The following PTPRO variants were observed in gnomAD, a reference collection of about 807,000 sequenced individuals.
The protein encoded by PTPRO is protein tyrosine phosphatase receptor type O.
PTPRO carries 62 observed loss-of-function variants against 145.2 expected under a neutral mutation model. That is an observed-to-expected ratio of 0.43 (90% CI 0.35 to 0.53). The LOEUF is 0.53. Among genes scored for constraint, PTPRO ranks in the 20% least tolerant of loss-of-function variants. The pLI, the probability that PTPRO is intolerant of heterozygous loss-of-function variation, is 0.01. For missense variants in PTPRO, 1,345 were observed against 1,482.7 expected, an observed-to-expected ratio of 0.91 and a Z score of 1.53; for synonymous variants, 565 against 514.7, an observed-to-expected ratio of 1.10 and a Z score of -1.32.
intron 1 of PTPRO, among the ~76,000 whole-genome samples, chr12:15,444,938 C>T (rs1940863802): frequency 6.6e-6 from 1 of 151,962 alleles, no homozygotes; most frequent in Admixed American, 6.6e-5. Flanking sequence ...ATAGTAATGA[C>T]TAAAAAAATT....
At chr12:15,457,214 G>A (rs947636157) in intron 1 of PTPRO, among the ~76,000 whole-genome samples, 9 of 152,136 alleles carry the variant, frequency 5.9e-5, no homozygotes, top group Non-Finnish European at 1.0e-4. Context: ...CTGCACTGTC[G>A]GCTTCCCTGC....
chr12:15,572,944 C>T (rs1368822978), intron 19 of PTPRO, among the ~76,000 whole-genome samples: 1 of 152,078 alleles, frequency 6.6e-6, no homozygotes, highest in African/African-American at 2.4e-5. Flanking sequence ...TGGGACATTC[C>T]CGCACAATAG....
chr12:15,509,105 G>T (rs559574064), intron 7 of PTPRO, among the ~76,000 whole-genome samples: 13 of 152,324 alleles, frequency 8.5e-5, no homozygotes, highest in African/African-American at 3.1e-4. Context: ...GAGAACAATA[G>T]ATAAGTGAAC....
At chr12:15,490,881 A>G (rs1215134312) in intron 2 of PTPRO, among the ~76,000 whole-genome samples, 1 of 152,196 alleles carries the variant, frequency 6.6e-6, no homozygotes, top group Non-Finnish European at 1.5e-5. Context: ...AATATCAAGT[A>G]CCGTACAGAC....
intron 1 of PTPRO, among the ~76,000 whole-genome samples, chr12:15,472,069 C>T (rs1481887776): frequency 1.3e-5 from 2 of 152,190 alleles, no homozygotes; most frequent in East Asian, 3.8e-4. Context: ...ATTAATATTA[C>T]TATTTAAAAG....
intron 1 of PTPRO, among the ~76,000 whole-genome samples, chr12:15,433,511 A>G (rs1940510407): frequency 6.6e-6 from 1 of 152,156 alleles, no homozygotes; most frequent in Non-Finnish European, 1.5e-5. Flanking sequence ...TAAGTCTTTA[A>G]TCCATCTTGA....
intron 5 of PTPRO, among the ~76,000 whole-genome samples, chr12:15,502,560 C>T (rs942494978): frequency 6.6e-6 from 1 of 152,132 alleles, no homozygotes; most frequent in African/African-American, 2.4e-5. Flanking sequence ...GTGCGCCCCT[C>T]TAGAAAAAGC....
At chr12:15,411,048 G>T (rs1425353363) in intron 1 of PTPRO, among the ~76,000 whole-genome samples, 1 of 152,124 alleles carries the variant, frequency 6.6e-6, no homozygotes, top group African/African-American at 2.4e-5. Flanking sequence ...GTATGAAGTT[G>T]ATTATTATGA....
chr12:15,456,739 T>G lies in PTPRO; in HGVS notation c.76-27235T>G, dbSNP rs201013457. ...CAGCCATGTCTTCTAGGTTATCCAA[T>G]GTACTGGTATATAATTGTTCATAGT... On this transcript the variant is annotated intron_variant, in intron 1 of 26. Coordinates refer to ENST00000281171, the MANE Select transcript of PTPRO (RefSeq NM_030667.3). Among the ~76,000 whole-genome samples the G allele has an allele frequency of 7.9e-5, 12 of 152,314 alleles. No individual in the cohort carries two copies. In the East Asian group the frequency reaches 2.1e-3, roughly 27 times the overall value.
At chr12:15,326,297 A>G (rs992298325) in intron 1 of PTPRO, among the ~76,000 whole-genome samples, 1 of 151,876 alleles carries the variant, frequency 6.6e-6, no homozygotes, top group Non-Finnish European at 1.5e-5. Flanking sequence ...GACTCCTTTA[A>G]TAAATCATAT....
intron 17 of PTPRO, 79 bp from the exon 18 acceptor site, chr12:15,565,514 T>C: frequency 1.0e-6 from 1 of 959,732 alleles, no homozygotes; most frequent in East Asian, 2.5e-5. Context: ...TGTAATTATT[T>C]AAAGCTGTTC....
At chr12:15,375,495 C>T (rs777871023) in intron 1 of PTPRO, among the ~76,000 whole-genome samples, 7 of 152,118 alleles carry the variant, frequency 4.6e-5, no homozygotes, top group East Asian at 1.9e-4. Flanking sequence ...CTGTGACTCA[C>T]GCCTGTAATC....
In PTPRO at chr12:15,512,146, GCT is replaced by G. The variant is rs1437914252; in HGVS notation, c.1465-3349_1465-3348del. Among the ~76,000 whole-genome samples, 67 of 151,476 alleles carry G rather than the reference GCT, an allele frequency of 4.4e-4. 1 individual carries two copies. Among genetic ancestry groups the G allele is most frequent in the Admixed American group, 1.3e-4 (2 of 15,208 alleles). Reference sequence around the variant, plus strand: ...GGGGGGGTTATTGAGATGGAGTCTTGCTCTGTCACCCAGGCTGGAGTGCAGTG... The same window carrying G: ...GGGGGGGTTATTGAGATGGAGTCTTGCTGTCACCCAGGCTGGAGTGCAGTG... On this transcript the variant is annotated intron_variant, in intron 7 of 26. Coordinates refer to ENST00000281171, the MANE Select transcript of PTPRO (RefSeq NM_030667.3).
At chr12:15,517,001 G>A (rs1414690352) in intron 9 of PTPRO, 45 bp downstream of exon 9, 1 of 1,519,044 alleles carries the variant, frequency 6.6e-7, no homozygotes, top group Non-Finnish European at 9.1e-7. Flanking sequence ...ATGGGAACAG[G>A]CAAACCTTTA....
intron 12 of PTPRO, among the ~76,000 whole-genome samples, chr12:15,545,262 A>T (rs780733549): frequency 6.6e-6 from 1 of 151,794 alleles, no homozygotes; most frequent in Non-Finnish European, 1.5e-5. Flanking sequence ...GCAGGAAGAA[A>T]CCTACAACAG....
At chr12:15,525,254 A>G (rs770946852) in intron 11 of PTPRO, among the ~76,000 whole-genome samples, 1 of 152,242 alleles carries the variant, frequency 6.6e-6, no homozygotes, top group Non-Finnish European at 1.5e-5. Context: ...GAAAACTACA[A>G]TTAACGTGTT....
intron 1 of PTPRO, among the ~76,000 whole-genome samples, chr12:15,348,889 A>C (rs1326918378): frequency 6.6e-6 from 1 of 152,194 alleles, no homozygotes; most frequent in Non-Finnish European, 1.5e-5. Context: ...TGACCTATAG[A>C]ATTGTAGGAT....
At chr12:15,384,819 C>T (rs1032436117) in intron 1 of PTPRO, among the ~76,000 whole-genome samples, 1 of 152,032 alleles carries the variant, frequency 6.6e-6, no homozygotes, top group Non-Finnish European at 1.5e-5. Context: ...AATATTTCTG[C>T]GTGCAAAAAA....
chr12:15,461,104 T>C (rs1941290651), intron 1 of PTPRO, among the ~76,000 whole-genome samples: 1 of 152,176 alleles, frequency 6.6e-6, no homozygotes, highest in Non-Finnish European at 1.5e-5. Context: ...AGAAACATTT[T>C]ACAGCCCATT....
Sources: allele counts gnomAD v4.1 joint callset (sites outside exome capture counted in the v4.1 genomes callset), GRCh38; gene constraint gnomAD v4.1.1; transcripts MANE v1.5; gene names NCBI Gene and HGNC (gene_info 2026-07-23, HGNC 2026-07-21).